Variants in SYTL3 observed in about 807,000 individuals in gnomAD.
SYTL3 encodes the protein synaptotagmin-like protein 3.
A neutral mutation model predicts 82.1 loss-of-function variants in SYTL3; 88 were observed. That is an observed-to-expected ratio of 1.07 (90% confidence interval 0.90 to 1.28). The LOEUF (loss-of-function observed/expected upper bound fraction) is 1.28. Among genes scored for constraint, SYTL3 ranks in the 50% most tolerant of loss-of-function variants. The pLI is 0.00. For missense variants in SYTL3, 831 were observed against 757.6 expected (o/e 1.10, Z -1.14); for synonymous variants, 311 against 289.4 (o/e 1.07, Z -0.76).
chr6:158,685,933 G>A (rs920923010), intron 6 of SYTL3, among the ~76,000 whole-genome samples: 1 of 152,248 alleles, frequency 6.6e-6, no homozygotes, highest in Admixed American at 6.5e-5. Flanking sequence ...CAGTAGTGCT[G>A]TAGGAGGTGA....
At position 158,724,228 on chromosome 6, in the gene SYTL3, G is replaced by A. The variant is rs184862199; in HGVS notation, c.721-1275G>A. The stretch of plus-strand genomic sequence containing the variant: ...CTCTTCCTCCCCTTCTACTCTTCCA[G>A]CCCCCAGAATTTAGCATAGTGCTGT... On this transcript the variant is annotated intron_variant, in intron 10 of 17. Coordinates refer to ENST00000611299, the MANE Select transcript of SYTL3 (RefSeq NM_001242394.2). Among the ~76,000 whole-genome samples, 4 of 152,138 alleles carry A rather than the reference G, an allele frequency of 2.6e-5. No homozygotes were observed. In the East Asian group the frequency reaches 7.7e-4, roughly 29 times the overall value.
At chr6:158,708,548 G>A (rs1487624484) in intron 8 of SYTL3, among the ~76,000 whole-genome samples, 157 bp downstream of exon 8, 2 of 152,166 alleles carry the variant, frequency 1.3e-5, no homozygotes, top group East Asian at 3.9e-4. Flanking sequence ...GGGAGCGAGG[G>A]CCCTCAGGCT....
At chr6:158,656,161 C>A (rs550598610) in intron 2 of SYTL3, among the ~76,000 whole-genome samples, 1 of 152,292 alleles carries the variant, frequency 6.6e-6, no homozygotes, top group East Asian at 1.9e-4. Flanking sequence ...ATTGTCACAT[C>A]TGCCGTCTCT....
chr6:158,739,994 C>CTTTTTT lies in SYTL3; in HGVS notation c.856-5471_856-5466dup, dbSNP rs35026438. ...GTTGCCTTACTTTTTAGGCAACTTA[C>CTTTTTT]TTTTTTTTTTTTTTTTTTTTGAGTT... is the stretch of plus-strand genomic sequence containing the variant. On this transcript the variant is annotated intron_variant, in intron 11 of 17. Transcript: ENST00000611299. Among the ~76,000 whole-genome samples, 592 of 105,524 alleles carry CTTTTTT rather than the reference C, an allele frequency of 5.6e-3. 5 individuals carry two copies. Among genetic ancestry groups the CTTTTTT allele is most frequent in the Non-Finnish European group, 7.8e-3 (427 of 54,514 alleles). 69.2% of individuals were successfully genotyped at this position (105,524 alleles called of 152,430 possible).
intron 11 of SYTL3, among the ~76,000 whole-genome samples, chr6:158,738,848 G>A (rs1786540468): frequency 6.6e-6 from 1 of 152,220 alleles, no homozygotes. Flanking sequence ...AGTGGAGACA[G>A]GGTTTCGCCA....
At chr6:158,668,132 G>C (rs959456620) in intron 5 of SYTL3, among the ~76,000 whole-genome samples, 1 of 152,234 alleles carries the variant, frequency 6.6e-6, no homozygotes, top group African/African-American at 2.4e-5. Flanking sequence ...ACAGAGTGAA[G>C]ATGGCAACCC....
intron 6 of SYTL3, among the ~76,000 whole-genome samples, chr6:158,691,725 C>G (rs1000236218): frequency 6.6e-6 from 1 of 151,346 alleles, no homozygotes; most frequent in African/African-American, 2.4e-5. Context: ...GATCTCGGCT[C>G]TCTGCAAGCT....
At chr6:158,735,727 C>A (rs1786056409) in intron 11 of SYTL3, among the ~76,000 whole-genome samples, 3 of 152,154 alleles carry the variant, frequency 2.0e-5, no homozygotes, top group Middle Eastern at 3.2e-3. Flanking sequence ...TTTAACCTCC[C>A]AAGTAGGCAA....
intron 13 of SYTL3, among the ~76,000 whole-genome samples, chr6:158,755,894 G>A (rs1054712381): frequency 2.6e-5 from 4 of 152,218 alleles, no homozygotes; most frequent in Admixed American, 2.6e-4. Flanking sequence ...CGTGAATCTG[G>A]CCTGCAGTGT....
intron 5 of SYTL3, among the ~76,000 whole-genome samples, chr6:158,677,307 C>CA (rs1778152741): frequency 6.6e-6 from 1 of 151,998 alleles, no homozygotes; most frequent in African/African-American, 2.4e-5. Context: ...ATCTCAAGGA[C>CA]AAAAAACCAA....
At chr6:158,724,150 A>G (rs1334767570) in intron 10 of SYTL3, among the ~76,000 whole-genome samples, 3 of 152,050 alleles carry the variant, frequency 2.0e-5, no homozygotes, top group Non-Finnish European at 4.4e-5. Context: ...CTGTCTTCCT[A>G]CTAGCTAGTG....
At chr6:158,697,163 G>A (rs1780643219) in intron 6 of SYTL3, among the ~76,000 whole-genome samples, 1 of 151,610 alleles carries the variant, frequency 6.6e-6, no homozygotes, top group African/African-American at 2.4e-5. Flanking sequence ...GGGAAGCTGG[G>A]CGTGGTGGCT....
chr6:158,717,551 C>CA (rs1161137407), intron 9 of SYTL3, among the ~76,000 whole-genome samples: 1 of 152,042 alleles, frequency 6.6e-6, no homozygotes. Context: ...TACTCTAGAC[C>CA]ACTATTACAC....
chr6:158,723,826 C>T (rs755647250), intron 10 of SYTL3, among the ~76,000 whole-genome samples: 23 of 152,348 alleles, frequency 1.5e-4, no homozygotes, highest in Admixed American at 7.2e-4. Flanking sequence ...CTGGCTCCTC[C>T]GCTGTAGCTT....
At chr6:158,680,575 C>CAAAAAAAAAA (rs71297002) in intron 5 of SYTL3, among the ~76,000 whole-genome samples, 833 of 78,186 alleles carry the variant, frequency 0.011, 18 homozygotes, top group Non-Finnish European at 0.017. Flanking sequence ...CCCGTCTCTA[C>CAAAAAAAAAA]AAAAAAAAAA....
At chr6:158,742,917 C>G (rs1787123985) in intron 11 of SYTL3, among the ~76,000 whole-genome samples, 1 of 152,094 alleles carries the variant, frequency 6.6e-6, no homozygotes, top group Non-Finnish European at 1.5e-5. Flanking sequence ...TTCTCGGCCC[C>G]TCAGCCACAG....
chr6:158,742,992 T>C (rs535388151), intron 11 of SYTL3, among the ~76,000 whole-genome samples: 2 of 152,328 alleles, frequency 1.3e-5, no homozygotes, highest in East Asian at 3.9e-4. Flanking sequence ...TTGCCCTGTC[T>C]CTGGGACCTT....
intron 4 of SYTL3, among the ~76,000 whole-genome samples, chr6:158,665,028 C>T (rs557577646): frequency 3.3e-5 from 5 of 152,300 alleles, no homozygotes; most frequent in African/African-American, 7.2e-5. Flanking sequence ...ATGGATGCTC[C>T]TTTCAGTGTC....
rs184248904 is a variant in SYTL3, at chr6:158,747,439, G to A, written c.1034+1781G>A. Among the ~76,000 whole-genome samples, 48 of 152,084 alleles carry A rather than the reference G, an allele frequency of 3.2e-4. No homozygotes were observed. The East Asian group carries it at 5.8e-3, about 18-fold the overall frequency. On this transcript the variant is annotated intron_variant, in intron 12 of 17. Transcript: ENST00000611299. ...TGCAGTGGTGCCACTATAGCTCACTGCAGCCTCAAAGTCCTAGTAGGCTCA... is the reference window on the plus strand; with the variant it reads ...TGCAGTGGTGCCACTATAGCTCACTACAGCCTCAAAGTCCTAGTAGGCTCA...
Sources: gnomAD v4.1 joint callset for allele counts (sites outside exome capture counted in the v4.1 genomes callset) on GRCh38, gnomAD v4.1.1 for gene constraint, MANE v1.5 for transcripts, NCBI Gene and HGNC (gene_info 2026-07-23, HGNC 2026-07-21) for gene names.